The following OPHN1 variants were observed in gnomAD, a reference collection of about 807,000 sequenced individuals.
The protein encoded by OPHN1 is oligophrenin 1.
Under a neutral mutation model 60.7 loss-of-function variants are expected in OPHN1, and 11 were observed. The observed-to-expected ratio is 0.18, with a 90% CI of 0.11 to 0.30. The LOEUF (loss-of-function observed/expected upper bound fraction) is 0.30, where lower values mean the gene tolerates loss of function less well. Ranked by LOEUF, OPHN1 falls within the 10% of genes least tolerant of loss-of-function variation. OPHN1 has a pLI of 1.00. For missense variants in OPHN1, 449 were observed against 611.0 expected, an observed-to-expected ratio of 0.73 and a Z score of 2.80; for synonymous variants, 226 against 222.6, an observed-to-expected ratio of 1.02 and a Z score of -0.14.
At chrX:68,099,252 C>T (rs5965496) in intron 18 of OPHN1, among the ~76,000 whole-genome samples, 51,346 of 110,213 alleles carry the variant, frequency 0.47, 10,301 homozygotes, top group South Asian at 0.69. Context: ...TGTGGGTTAA[C>T]AAGATGAATG....
At chrX:68,058,207 G>A (rs1944492036) in intron 21 of OPHN1, among the ~76,000 whole-genome samples, 1 of 109,135 alleles carries the variant, frequency 9.2e-6, no homozygotes, top group African/African-American at 3.4e-5. Context: ...TAAATTGAAC[G>A]GTATTCAATA....
intron 23 of OPHN1, among the ~76,000 whole-genome samples, chrX:68,050,790 T>C (rs777937097): frequency 8.9e-6 from 1 of 112,744 alleles, no homozygotes; most frequent in Admixed American, 9.4e-5. Context: ...CTCAAGTGGC[T>C]TATTCTAGGA....
At chrX:68,224,820 A>T (rs1256431967) in intron 6 of OPHN1, among the ~76,000 whole-genome samples, 1 of 112,349 alleles carries the variant, frequency 8.9e-6, no homozygotes, top group African/African-American at 3.2e-5. Flanking sequence ...GACACAGAAG[A>T]TGGGTGATTT....
In OPHN1 at chrX:68,146,620, G is replaced by A. The variant is rs911029862; in HGVS notation, c.1277-27288C>T. Among the ~76,000 whole-genome samples the A allele has an allele frequency of 3.6e-5, 4 of 112,393 alleles. No individual in the cohort carries two copies. In the East Asian group the frequency reaches 8.4e-4, roughly 24 times the overall value. ...TGACGGTGATAAAACAGATTACCCC[G>A]ATAATTAGGTCAGCAGAGGGGCCTA... is the stretch of plus-strand genomic sequence containing the variant. On this transcript the variant is annotated intron_variant, in intron 15 of 24. Coordinates refer to ENST00000355520, the MANE Select transcript of OPHN1 (RefSeq NM_002547.3).
chrX:68,137,407 G>A (rs1337431376), intron 15 of OPHN1, among the ~76,000 whole-genome samples: 1 of 111,649 alleles, frequency 9.0e-6, no homozygotes, highest in Admixed American at 9.5e-5. Flanking sequence ...CTTCTATCTC[G>A]AAATCAAGTA....
intron 19 of OPHN1, among the ~76,000 whole-genome samples, chrX:68,088,818 A>T (rs2077005268): frequency 9.0e-6 from 1 of 110,642 alleles, no homozygotes; most frequent in Non-Finnish European, 1.9e-5. Context: ...CAGGGGGGTA[A>T]ACTGGCTTGT....
At chrX:68,198,090 T>C (rs936887891) in intron 11 of OPHN1, among the ~76,000 whole-genome samples, 1 of 111,399 alleles carries the variant, frequency 9.0e-6, no homozygotes, top group African/African-American at 3.3e-5. Context: ...TTTTATTCTA[T>C]TTATTTGCAG....
chrX:68,214,793 T>C (rs1175311127), intron 6 of OPHN1, among the ~76,000 whole-genome samples: 2 of 111,023 alleles, frequency 1.8e-5, no homozygotes, highest in Non-Finnish European at 3.8e-5. Flanking sequence ...GGTCAGGAGT[T>C]CAAGACCAGC....
chrX:68,205,996 G>C (rs2077557839), intron 10 of OPHN1, among the ~76,000 whole-genome samples: 1 of 109,160 alleles, frequency 9.2e-6, no homozygotes, highest in African/African-American at 3.3e-5. Flanking sequence ...GTGTGTGTGT[G>C]TGTGTGTGTG....
intron 15 of OPHN1, among the ~76,000 whole-genome samples, chrX:68,135,689 G>A (rs1225168663): frequency 2.7e-5 from 3 of 112,201 alleles, no homozygotes; most frequent in African/African-American, 9.7e-5. Context: ...AAAACTGGTG[G>A]AGATGACTAG....
In OPHN1 at chrX:68,210,150, C is replaced by T. The variant is rs1483561778; in HGVS notation, c.832+3G>A. On this transcript the variant is annotated splice_donor_region_variant and intron_variant, in intron 9 of 24. Coordinates refer to ENST00000355520, the MANE Select transcript of OPHN1 (RefSeq NM_002547.3). Reference sequence around the variant, plus strand: ...CAATGGATACCCCTATGTCCCCACACACATTTCTCTTGTGTATAGAGATAG... The same window carrying T: ...CAATGGATACCCCTATGTCCCCACATACATTTCTCTTGTGTATAGAGATAG... 8.3e-7 allele frequency: 1 copy of T among 1,210,689 alleles called. No homozygotes were observed. Among genetic ancestry groups the T allele is most frequent in the African/African-American group, 1.7e-5 (1 of 57,700 alleles).
intron 15 of OPHN1, among the ~76,000 whole-genome samples, chrX:68,164,977 T>C (rs1227598859): frequency 1.8e-5 from 2 of 111,945 alleles, no homozygotes; most frequent in Non-Finnish European, 1.9e-5. Context: ...ACCAACAACC[T>C]ATGCTAGCTT....
chrX:68,215,758 CA>C (rs2077605597), intron 6 of OPHN1, among the ~76,000 whole-genome samples: 1 of 111,311 alleles, frequency 9.0e-6, no homozygotes, highest in African/African-American at 3.3e-5. Flanking sequence ...AACTACTTAA[CA>C]ATGTGTAAAC....
rs139638690 is a variant in OPHN1 at position 68,063,993 on chromosome X, C to G, written c.2019G>C (p.Leu673Phe). ...EPCPEVDVGK[L>F]VSRLQDGGTK... ...TCCCTCCATCCTGCAGCCTAGACAC[C>G]AACTTCCCCACGTCCACCTCTGGGC... The change falls in exon 21 of 25, where the codon TTG becomes TTC. Residue 673 changes from leucine to phenylalanine, a missense_variant. Leu to Phe is a conservative substitution (Grantham distance 22). Around this residue, in one of 4 missense-constraint regions of OPHN1, gnomAD observed 184 missense variants for 160.5 expected, o/e 1.15. Transcript: ENST00000355520. 1.9e-5 allele frequency: 23 copies of G among 1,207,382 alleles called. No individual in the cohort carries two copies. The highest frequency in any genetic ancestry group is 6.7e-6 in the Non-Finnish European group (6 of 894,401).
intron 2 of OPHN1, among the ~76,000 whole-genome samples, chrX:68,397,496 G>T (rs1354833815): frequency 1.2e-5 from 1 of 82,680 alleles, no homozygotes; most frequent in Non-Finnish European, 2.3e-5. Context: ...ATGTTAGGTT[G>T]ACACTTTTTT....
intron 2 of OPHN1, among the ~76,000 whole-genome samples, chrX:68,383,495 G>A (rs2078607935): frequency 9.4e-6 from 1 of 105,985 alleles, no homozygotes; most frequent in Non-Finnish European, 1.9e-5. Context: ...TACTCAGGAG[G>A]CTGAGGCTGG....
chrX:68,322,011 ACCCAGG>A lies in OPHN1; in HGVS notation c.155-22921_155-22916del, dbSNP rs1383037875. Among the ~76,000 whole-genome samples the A allele has an allele frequency of 3.4e-3, 382 of 111,040 alleles. 2 individuals are homozygous for A. Among genetic ancestry groups the A allele is most frequent in the African/African-American group, 0.012 (366 of 30,415 alleles). Reference sequence around the variant, plus strand: ...TTTTCAGACAGGGTCTCACTCTGTCACCCAGGCTGGAGTGCAGTGGCGCCATCATGG... The same window carrying A: ...TTTTCAGACAGGGTCTCACTCTGTCACTGGAGTGCAGTGGCGCCATCATGG... On this transcript the variant is annotated intron_variant, in intron 2 of 24. Coordinates refer to ENST00000355520, the MANE Select transcript of OPHN1 (RefSeq NM_002547.3).
chrX:68,368,905 A>G (rs1294345855), intron 2 of OPHN1, among the ~76,000 whole-genome samples: 1 of 111,785 alleles, frequency 8.9e-6, no homozygotes, highest in African/African-American at 3.2e-5. Flanking sequence ...TACTACTAAG[A>G]ATTTTAACAA....
intron 19 of OPHN1, among the ~76,000 whole-genome samples, chrX:68,093,190 C>T (rs2077025065): frequency 9.0e-6 from 1 of 111,185 alleles, no homozygotes; most frequent in Non-Finnish European, 1.9e-5. Flanking sequence ...AAACACATAA[C>T]AAAGATCTAG....
Sources: allele counts gnomAD v4.1 joint callset (sites outside exome capture counted in the v4.1 genomes callset), GRCh38; gene constraint gnomAD v4.1.1; regional missense constraint gnomAD v4.1.1; transcripts MANE v1.5; gene names NCBI Gene and HGNC (gene_info 2026-07-23, HGNC 2026-07-21).